ILRUN: variants seen among roughly 807,000 people sequenced by gnomAD.
The protein encoded by ILRUN is protein ILRUN.
Under a neutral mutation model 33.8 loss-of-function variants are expected in ILRUN, and 3 were observed. The observed-to-expected ratio is 0.09, with a 90% CI of 0.04 to 0.23. The LOEUF (loss-of-function observed/expected upper bound fraction) is 0.23. Ranked by LOEUF, ILRUN falls within the 10% of genes least tolerant of loss-of-function variation. The pLI, the probability that ILRUN is intolerant of heterozygous loss-of-function variation, is 1.00. For missense variants in ILRUN, 210 were observed against 375.1 expected (o/e 0.56, Z 3.64); for synonymous variants, 124 against 138.9 (o/e 0.89, Z 0.75).
chr6:34,618,377 G>A (rs944046906), intron 3 of ILRUN, among the ~76,000 whole-genome samples: 1 of 152,110 alleles, frequency 6.6e-6, no homozygotes, highest in Non-Finnish European at 1.5e-5. Flanking sequence ...ATCTATTACT[G>A]AGAATACCCA....
At chr6:34,626,689 T>A (rs1056959604) in intron 3 of ILRUN, among the ~76,000 whole-genome samples, 1 of 152,192 alleles carries the variant, frequency 6.6e-6, no homozygotes, top group African/African-American at 2.4e-5. Flanking sequence ...TGGACAAATG[T>A]ACAATGACAT....
At chr6:34,636,383 G>A (rs919213201) in intron 3 of ILRUN, among the ~76,000 whole-genome samples, 1 of 151,184 alleles carries the variant, frequency 6.6e-6, no homozygotes, top group Non-Finnish European at 1.5e-5. Flanking sequence ...ACAATAAAAG[G>A]AGAAAAATAA....
intron 3 of ILRUN, among the ~76,000 whole-genome samples, chr6:34,623,443 CT>C (rs1762048168): frequency 6.6e-6 from 1 of 152,036 alleles, no homozygotes; most frequent in African/African-American, 2.4e-5. Flanking sequence ...CAGAAAATAA[CT>C]AATACTCATG....
At chr6:34,610,677 C>A (rs1459492766) in intron 3 of ILRUN, among the ~76,000 whole-genome samples, 1 of 152,172 alleles carries the variant, frequency 6.6e-6, no homozygotes, top group Non-Finnish European at 1.5e-5. Context: ...TGGTCTCAAG[C>A]ATTTCAGATA....
rs1763428577 is a variant in ILRUN at position 34,683,449 on chromosome 6, T to TAC, written c.158+12996_158+12997insGT. On this transcript the variant is annotated intron_variant, in intron 1 of 4. Coordinates refer to ENST00000374023, the MANE Select transcript of ILRUN (RefSeq NM_024294.4). Reference sequence around the variant, plus strand: ...ATATACATATATATATACATATATATATACATATATATACATATATATACA... The same window carrying TAC: ...ATATACATATATATATACATATATATACATACATATATATACATATATATACA... 7.6e-5 allele frequency among the ~76,000 whole-genome samples: 8 copies of TAC among 105,370 alleles called. 1 individual carries two copies. Among genetic ancestry groups the TAC allele is most frequent in the African/African-American group, 2.9e-4 (5 of 17,080 alleles). 69.1% of individuals were successfully genotyped at this position (105,370 alleles called of 152,430 possible). A position where few individuals can be genotyped will look rare whatever the true frequency, so the allele number is the denominator to read the frequency against.
intron 1 of ILRUN, among the ~76,000 whole-genome samples, chr6:34,687,992 T>C (rs1360686566): frequency 6.6e-6 from 1 of 152,002 alleles, no homozygotes; most frequent in Non-Finnish European, 1.5e-5. Context: ...TTCAAAACTT[T>C]ACTACTCAGA....
intron 1 of ILRUN, among the ~76,000 whole-genome samples, chr6:34,663,066 C>T (rs1462126677): frequency 1.3e-5 from 2 of 151,964 alleles, no homozygotes; most frequent in East Asian, 1.9e-4. Context: ...CCTACACGAG[C>T]CTGGATGACA....
chr6:34,689,197 A>T (rs1481038360), intron 1 of ILRUN, among the ~76,000 whole-genome samples: 1 of 152,150 alleles, frequency 6.6e-6, no homozygotes, highest in Non-Finnish European at 1.5e-5. Context: ...TGCCAGGCAC[A>T]GTACTGCACA....
intron 1 of ILRUN, among the ~76,000 whole-genome samples, chr6:34,682,509 C>T (rs1044715712): frequency 6.6e-6 from 1 of 151,090 alleles, no homozygotes. Flanking sequence ...CTGCCCACCT[C>T]GGCCTCCCAA....
At chr6:34,642,634 T>A (rs993787545) in intron 3 of ILRUN, among the ~76,000 whole-genome samples, 5 of 151,698 alleles carry the variant, frequency 3.3e-5, no homozygotes, top group Admixed American at 2.0e-4. Flanking sequence ...TGGCAACAAA[T>A]TTTTTTTGGC....
chr6:34,643,829 A>T (rs1419366680), intron 3 of ILRUN, among the ~76,000 whole-genome samples: 1 of 152,142 alleles, frequency 6.6e-6, no homozygotes, highest in African/African-American at 2.4e-5. Flanking sequence ...CAGCCTCCCG[A>T]GTAGCTGGGA....
intron 2 of ILRUN, among the ~76,000 whole-genome samples, chr6:34,652,708 C>T (rs961088793): frequency 2.0e-5 from 3 of 152,154 alleles, no homozygotes; most frequent in African/African-American, 7.2e-5. Context: ...CCCACAAACA[C>T]GTATTTTTAG....
chr6:34,598,854 C>T (rs1369591149), intron 4 of ILRUN, among the ~76,000 whole-genome samples: 1 of 152,238 alleles, frequency 6.6e-6, no homozygotes, highest in Non-Finnish European at 1.5e-5. Context: ...GAGGACTTTA[C>T]TGGCTCTTCT....
chr6:34,601,679 C>T (rs944067865), intron 4 of ILRUN, among the ~76,000 whole-genome samples: 24 of 150,928 alleles, frequency 1.6e-4, no homozygotes, highest in African/African-American at 5.7e-4. Flanking sequence ...AAAAGATCTG[C>T]CTTTTCCAAA....
At chr6:34,616,923 A>C in intron 3 of ILRUN, 1 of 598,510 alleles carries the variant, frequency 1.7e-6, no homozygotes, top group Non-Finnish European at 3.2e-6. Flanking sequence ...AGGATTGTAG[A>C]ACCATATATT....
intron 4 of ILRUN, among the ~76,000 whole-genome samples, chr6:34,597,746 C>A (rs115228854): frequency 2.6e-5 from 4 of 152,252 alleles, no homozygotes; most frequent in Non-Finnish European, 4.4e-5. Context: ...GTGAACTCTC[C>A]TTTGCTTGGC....
rs1347535991 is a variant in ILRUN, at chr6:34,683,429, CATATATATATACAT to C, written c.158+13003_158+13016del. On this transcript the variant is annotated intron_variant, in intron 1 of 4. Coordinates refer to ENST00000374023, the MANE Select transcript of ILRUN (RefSeq NM_024294.4). ...ATACATATATATATACATATATATACATATATATATACATATATATATACATATATATACATATA... is the reference window on the plus strand; with the variant it reads ...ATACATATATATATACATATATATACATATATATACATATATATACATATA... 1.1e-3 allele frequency among the ~76,000 whole-genome samples: 100 copies of C among 92,072 alleles called. 1 individual carries two copies. Among genetic ancestry groups the C allele is most frequent in the Middle Eastern group, 5.4e-3 (1 of 184 alleles). 60.4% of individuals were successfully genotyped at this position (92,072 alleles called of 152,430 possible).
At chr6:34,647,023 C>CA (rs1172296031) in intron 2 of ILRUN, among the ~76,000 whole-genome samples, 1 of 143,192 alleles carries the variant, frequency 7.0e-6, no homozygotes, top group Non-Finnish European at 1.5e-5. Context: ...GCACAAAAGG[C>CA]AAAAGCAAGG....
intron 1 of ILRUN, among the ~76,000 whole-genome samples, chr6:34,669,981 G>C (rs1354297652): frequency 6.6e-6 from 1 of 151,528 alleles, no homozygotes; most frequent in Non-Finnish European, 1.5e-5. Context: ...GCGCAATCTC[G>C]GCTCACTGAA....
Sources: allele counts gnomAD v4.1 joint callset (sites outside exome capture counted in the v4.1 genomes callset), GRCh38; gene constraint gnomAD v4.1.1; transcripts MANE v1.5; gene names NCBI Gene and HGNC (gene_info 2026-07-23, HGNC 2026-07-21).